PTPRR: variants seen among roughly 807,000 people sequenced by gnomAD.
PTPRR encodes receptor-type tyrosine-protein phosphatase R.
A neutral mutation model predicts 77.2 loss-of-function variants in PTPRR; 38 were observed. That is an observed-to-expected ratio of 0.49 (90% CI 0.38 to 0.65). The LOEUF (loss-of-function observed/expected upper bound fraction) is 0.65. Ranked by LOEUF, PTPRR falls within the 30% of genes least tolerant of loss-of-function variation. The pLI, the probability that PTPRR is intolerant of heterozygous loss-of-function variation, is 0.00. For synonymous variants in PTPRR, 299 were observed against 283.1 expected, an observed-to-expected ratio of 1.06 and a Z score of -0.57; for missense variants, 744 against 799.2, an observed-to-expected ratio of 0.93 and a Z score of 0.83.
chr12:70,662,459 T>A lies in PTPRR; in HGVS notation c.1608+36A>T, dbSNP rs190279496. 39 of 1,272,944 alleles carry A rather than the reference T, an allele frequency of 3.1e-5. No individual in the cohort carries two copies. The East Asian group carries it at 8.0e-4, about 26-fold the overall frequency. 78.9% of individuals were successfully genotyped at this position (1,272,944 alleles called of 1,614,324 possible). A position where few individuals can be genotyped will look rare whatever the true frequency, so the allele number is the denominator to read the frequency against. On this transcript the variant is annotated intron_variant, in intron 11 of 13. Coordinates refer to ENST00000283228, the MANE Select transcript of PTPRR (RefSeq NM_002849.4). ...GTAGAAATGTAATCCTCTAACATCA[T>A]CTACTTTGTAGATGGCTATAGCTAC...
At chr12:70,904,376 T>TA (rs148825501) in intron 1 of PTPRR, among the ~76,000 whole-genome samples, 21 of 151,518 alleles carry the variant, frequency 1.4e-4, no homozygotes, top group East Asian at 3.9e-4. Context: ...CACTCATCAG[T>TA]AAAAAAAAGT....
intron 10 of PTPRR, among the ~76,000 whole-genome samples, chr12:70,675,838 C>A (rs1427326824): frequency 2.0e-5 from 3 of 149,582 alleles, no homozygotes; most frequent in African/African-American, 7.3e-5. Context: ...TCTTTCAGTT[C>A]TTTGTAGGTA....
At chr12:70,775,062 T>A (rs74101591) in intron 2 of PTPRR, among the ~76,000 whole-genome samples, 3,541 of 152,318 alleles carry the variant, frequency 0.023, 142 homozygotes, top group African/African-American at 0.081. Flanking sequence ...GATTTAACAT[T>A]TTAATTTCAA....
chr12:70,660,687 T>C lies in PTPRR; in HGVS notation c.1766+253A>G, dbSNP rs1054835636. On this transcript the variant is annotated intron_variant, in intron 12 of 13. Transcript: ENST00000283228. The stretch of plus-strand genomic sequence containing the variant: ...ACTGCTGAATAGGTCTCCTGTTCAC[T>C]GAGCCATTTATTACGAACTTGTATT... 3.3e-4 allele frequency among the ~76,000 whole-genome samples: 50 copies of C among 152,230 alleles called. 4 individuals carry two copies. Among genetic ancestry groups the C allele is most frequent in the Non-Finnish European group, 5.9e-5 (4 of 68,030 alleles).
intron 6 of PTPRR, among the ~76,000 whole-genome samples, chr12:70,717,183 G>A (rs1889063272): frequency 6.6e-6 from 1 of 151,802 alleles, no homozygotes; most frequent in African/African-American, 2.4e-5. Flanking sequence ...ATATTTATCT[G>A]GACAACTCTT....
chr12:70,732,881 A>T lies in PTPRR; in HGVS notation c.1007+12937T>A, dbSNP rs1483719592. Among the ~76,000 whole-genome samples, 6 of 149,994 alleles carry T rather than the reference A, an allele frequency of 4.0e-5. No homozygotes were observed. In the South Asian group the frequency reaches 8.7e-4, roughly 22 times the overall value. On this transcript the variant is annotated intron_variant, in intron 6 of 13. Coordinates refer to ENST00000283228, the MANE Select transcript of PTPRR (RefSeq NM_002849.4). ...GCGCATCATCTATTTTTATTTTTTTAAAACATATTTCTTCCTATAAAATTA... is the reference window on the plus strand; with the variant it reads ...GCGCATCATCTATTTTTATTTTTTTTAAACATATTTCTTCCTATAAAATTA...
chr12:70,869,655 AG>A (rs1221506257), intron 2 of PTPRR, among the ~76,000 whole-genome samples: 1 of 152,124 alleles, frequency 6.6e-6, no homozygotes, highest in Non-Finnish European at 1.5e-5. Context: ...TTCTTACAAG[AG>A]GGAGGGTCAG....
At chr12:70,831,933 C>T (rs1892219995) in intron 2 of PTPRR, among the ~76,000 whole-genome samples, 1 of 152,200 alleles carries the variant, frequency 6.6e-6, no homozygotes, top group South Asian at 2.1e-4. Flanking sequence ...AATTTTTACT[C>T]ACCAACAGGT....
In PTPRR at chr12:70,787,728, G is replaced by A. The variant is rs187107525; in HGVS notation, c.358-22950C>T. Among the ~76,000 whole-genome samples the A allele has an allele frequency of 1.9e-3, 285 of 152,244 alleles. 1 individual carries two copies. Among genetic ancestry groups the A allele is most frequent in the African/African-American group, 6.6e-3 (273 of 41,548 alleles). On this transcript the variant is annotated intron_variant, in intron 2 of 13. Transcript: ENST00000283228. ...CAAATCTGGCAGCCCTATATTTTGT[G>A]GGAAACAGAGCTTGACTTCTTGAAT...
intron 2 of PTPRR, among the ~76,000 whole-genome samples, chr12:70,809,567 C>T (rs911290279): frequency 6.6e-6 from 1 of 152,158 alleles, no homozygotes; most frequent in African/African-American, 2.4e-5. Context: ...TCTATATCTT[C>T]TAACCAATAT....
chr12:70,677,616 G>A (rs189696542), intron 10 of PTPRR, among the ~76,000 whole-genome samples: 2 of 152,234 alleles, frequency 1.3e-5, no homozygotes, highest in Middle Eastern at 3.4e-3. Context: ...TTCTTATCAT[G>A]AAGGGATGAA....
chr12:70,676,679 C>T (rs573955455), intron 10 of PTPRR, among the ~76,000 whole-genome samples: 1 of 152,122 alleles, frequency 6.6e-6, no homozygotes. Context: ...TCCATCACTG[C>T]AAACATTTAT....
At chr12:70,796,086 A>C (rs1466632352) in intron 2 of PTPRR, among the ~76,000 whole-genome samples, 1 of 151,294 alleles carries the variant, frequency 6.6e-6, no homozygotes, top group Non-Finnish European at 1.5e-5. Flanking sequence ...ATGAAGCCCG[A>C]CTAATCTTTA....
chr12:70,660,943 C>A lies in PTPRR; in HGVS notation c.1763G>T (p.Cys588Phe). The change falls in exon 12 of 14, where the codon TGC (cysteine) becomes TTC (phenylalanine). Residue 588 changes from cysteine to phenylalanine, a missense_variant. Cys to Phe is a radical substitution (Grantham distance 205). Coordinates refer to ENST00000283228, the MANE Select transcript of PTPRR (RefSeq NM_002849.4). The part of the protein sequence containing the change: ...SQGRGPVVVH[C>F]SAGIGRTGCF... ...GAAAGGACCATACACGTCTTACCTGCAGTGGACAACCACAGGCCCTCGGCC... is the reference window on the plus strand; with the variant it reads ...GAAAGGACCATACACGTCTTACCTGAAGTGGACAACCACAGGCCCTCGGCC... 6.2e-7 allele frequency: 1 copy of A among 1,612,252 alleles called. No homozygotes were observed. Among genetic ancestry groups the A allele is most frequent in the Non-Finnish European group, 8.5e-7 (1 of 1,179,152 alleles).
At chr12:70,820,995 T>C (rs981579752) in intron 2 of PTPRR, among the ~76,000 whole-genome samples, 1 of 152,170 alleles carries the variant, frequency 6.6e-6, no homozygotes, top group Non-Finnish European at 1.5e-5. Context: ...GCAGTAGTCC[T>C]GAATAAAGTT....
intron 1 of PTPRR, among the ~76,000 whole-genome samples, chr12:70,894,718 C>T (rs2137119349): frequency 6.6e-6 from 1 of 151,610 alleles, no homozygotes; most frequent in East Asian, 1.9e-4. Context: ...ATTGAGATAT[C>T]CTGTTCTGAA....
chr12:70,800,107 A>G (rs568769010), intron 2 of PTPRR, among the ~76,000 whole-genome samples: 1 of 152,294 alleles, frequency 6.6e-6, no homozygotes, highest in African/African-American at 2.4e-5. Context: ...GTGGGCACAT[A>G]CATTAGTTTG....
rs150210317 is a variant in PTPRR, at chr12:70,895,031, G to T, written c.59-2054C>A. On this transcript the variant is annotated intron_variant, in intron 1 of 13. Coordinates refer to ENST00000283228, the MANE Select transcript of PTPRR (RefSeq NM_002849.4). ...ATGATTCTCATACTATTATATCGTG[G>T]AATAAAGCACTTGGGCTAAGAAAAT... Among the ~76,000 whole-genome samples, 5 of 151,710 alleles carry T rather than the reference G, an allele frequency of 3.3e-5. No individual in the cohort carries two copies. In the East Asian group the frequency reaches 9.7e-4, roughly 29 times the overall value.
intron 2 of PTPRR, among the ~76,000 whole-genome samples, chr12:70,783,259 G>A (rs1470463517): frequency 2.6e-5 from 4 of 152,274 alleles, no homozygotes; most frequent in Admixed American, 2.6e-4. Flanking sequence ...CATCTGTGGA[G>A]TGTTCAGCTC....
Sources: gnomAD v4.1 joint callset for allele counts (sites outside exome capture counted in the v4.1 genomes callset) on GRCh38, gnomAD v4.1.1 for gene constraint, MANE v1.5 for transcripts, NCBI Gene and HGNC (gene_info 2026-07-23, HGNC 2026-07-21) for gene names.